The following MCC variants were observed in gnomAD, a reference collection of about 807,000 sequenced individuals.
MCC encodes MCC regulator of Wnt signaling pathway.
Under a neutral mutation model 116.2 loss-of-function variants are expected in MCC, and 90 were observed. The observed-to-expected ratio is 0.77, with a 90% confidence interval of 0.65 to 0.92. The LOEUF is 0.92. MCC is among the 40% of genes least tolerant of loss of function. MCC has a pLI of 0.00. For synonymous variants in MCC, 578 were observed against 510.5 expected (o/e 1.13, Z -1.78); for missense variants, 1,516 against 1,312.2 (o/e 1.16, Z -2.40).
chr5:113,190,914 C>T (rs147654183), intron 3 of MCC, among the ~76,000 whole-genome samples: 6 of 152,288 alleles, frequency 3.9e-5, no homozygotes, highest in African/African-American at 1.2e-4. Flanking sequence ...ATCTGCAGGA[C>T]CAAGGCAAGT....
intron 3 of MCC, among the ~76,000 whole-genome samples, chr5:113,155,815 G>A (rs942732540): frequency 1.3e-5 from 2 of 152,174 alleles, no homozygotes; most frequent in African/African-American, 4.8e-5. Context: ...TCATACTCAG[G>A]AGTCAGATGC....
At chr5:113,353,808 TG>T (rs1391432739) in intron 2 of MCC, among the ~76,000 whole-genome samples, 2 of 152,224 alleles carry the variant, frequency 1.3e-5, no homozygotes, top group African/African-American at 4.8e-5. Context: ...ACCTATCAAC[TG>T]ACATAGCCAC....
intron 3 of MCC, among the ~76,000 whole-genome samples, chr5:113,275,617 A>G (rs13159076): frequency 0.48 from 72,618 of 152,014 alleles, 22,142 homozygotes; most frequent in African/African-American, 0.87. Context: ...CTCCATTTCC[A>G]TGGATTCTAC....
intron 3 of MCC, among the ~76,000 whole-genome samples, chr5:113,233,645 C>A (rs543190794): frequency 5.3e-5 from 8 of 152,238 alleles, no homozygotes; most frequent in African/African-American, 1.9e-4. Flanking sequence ...TCTCACTGTC[C>A]CTTTGTCTCC....
intron 3 of MCC, among the ~76,000 whole-genome samples, chr5:113,330,217 A>G (rs1767666478): frequency 6.6e-6 from 1 of 152,224 alleles, no homozygotes; most frequent in African/African-American, 2.4e-5. Context: ...GCTGCCGCCC[A>G]TGTAATGGAG....
At chr5:113,414,227 AG>A (rs1176327174) in intron 1 of MCC, among the ~76,000 whole-genome samples, 2 of 152,188 alleles carry the variant, frequency 1.3e-5, no homozygotes, top group African/African-American at 4.8e-5. Context: ...TTTGGTGCTG[AG>A]AAGGATGTAT....
intron 1 of MCC, among the ~76,000 whole-genome samples, chr5:113,484,300 T>A (rs1772457030): frequency 6.6e-6 from 1 of 152,134 alleles, no homozygotes; most frequent in Non-Finnish European, 1.5e-5. Flanking sequence ...ATATACATAT[T>A]TAAAATATTA....
intron 1 of MCC, among the ~76,000 whole-genome samples, chr5:113,410,941 C>A (rs758304580): frequency 8.6e-4 from 131 of 152,224 alleles, no homozygotes; most frequent in Non-Finnish European, 1.7e-3. Flanking sequence ...TGAACTCATC[C>A]TTTTTTATGG....
rs1398754003 is a variant in MCC, at chr5:113,196,720, A to G, written c.628-45298T>C. 2.0e-5 allele frequency among the ~76,000 whole-genome samples: 3 copies of G among 152,116 alleles called. No homozygotes were observed. In the East Asian group the frequency reaches 5.8e-4, roughly 29 times the overall value. On this transcript the variant is annotated intron_variant, in intron 3 of 18. Coordinates refer to ENST00000408903, the MANE Select transcript of MCC (RefSeq NM_001085377.2). Reference sequence around the variant, plus strand: ...AAAAATTAGCCGAGCGTGGTGGCACATGCCTGTAATCCCAGCTACTCAGGA... The same window carrying G: ...AAAAATTAGCCGAGCGTGGTGGCACGTGCCTGTAATCCCAGCTACTCAGGA...
intron 3 of MCC, among the ~76,000 whole-genome samples, chr5:113,229,406 T>C (rs1206568317): frequency 6.6e-6 from 1 of 152,252 alleles, no homozygotes; most frequent in Non-Finnish European, 1.5e-5. Flanking sequence ...TCAGATGTTT[T>C]TCCAAACACC....
chr5:113,358,117 C>T (rs1207365007), intron 2 of MCC, among the ~76,000 whole-genome samples: 1 of 152,202 alleles, frequency 6.6e-6, no homozygotes, highest in Non-Finnish European at 1.5e-5. Flanking sequence ...TCACCCACTG[C>T]TAACAGTTTT....
chr5:113,178,294 T>C (rs888234593), intron 3 of MCC, among the ~76,000 whole-genome samples: 1 of 152,228 alleles, frequency 6.6e-6, no homozygotes, highest in Admixed American at 6.5e-5. Context: ...TCAGTAGCTC[T>C]GAGCATGCAG....
At chr5:113,300,276 G>A (rs1766830315) in intron 3 of MCC, among the ~76,000 whole-genome samples, 1 of 152,166 alleles carries the variant, frequency 6.6e-6, no homozygotes, top group Admixed American at 6.5e-5. Flanking sequence ...CCCCTGGGGT[G>A]CCCCAGCGAT....
chr5:113,343,721 T>C (rs952873942), intron 2 of MCC, among the ~76,000 whole-genome samples: 1 of 152,264 alleles, frequency 6.6e-6, no homozygotes, highest in Non-Finnish European at 1.5e-5. Context: ...GAATTATCCA[T>C]GGTTGTAGTA....
chr5:113,412,567 CTGTT>C (rs1206494671), intron 1 of MCC, among the ~76,000 whole-genome samples: 7 of 152,016 alleles, frequency 4.6e-5, no homozygotes, highest in East Asian at 1.9e-4. Context: ...ATTTGGCTCT[CTGTT>C]TGTCTGTTAT....
rs904706474 is a variant in MCC at position 113,073,840 on chromosome 5, C to T, written c.1785-2606G>A. ...ACAGCGAGGTTGGGGGACGGGCGTCCGCCACTGCTGAGGGTTGAGTAGGTA... is the reference window on the plus strand; with the variant it reads ...ACAGCGAGGTTGGGGGACGGGCGTCTGCCACTGCTGAGGGTTGAGTAGGTA... On this transcript the variant is annotated intron_variant, in intron 11 of 18. Coordinates refer to ENST00000408903, the MANE Select transcript of MCC (RefSeq NM_001085377.2). Among the ~76,000 whole-genome samples the T allele has an allele frequency of 3.9e-5, 6 of 152,154 alleles. 1 individual carries two copies. The highest frequency in any genetic ancestry group is 2.6e-4 in the Admixed American group (4 of 15,268).
chr5:113,132,447 C>CATAT (rs1201460802), intron 5 of MCC, among the ~76,000 whole-genome samples: 17 of 27,616 alleles, frequency 6.2e-4, no homozygotes, highest in South Asian at 2.2e-3. Flanking sequence ...TATATATACA[C>CATAT]ACACACACAC....
At chr5:113,170,621 G>T (rs556992972) in intron 3 of MCC, among the ~76,000 whole-genome samples, 1 of 152,130 alleles carries the variant, frequency 6.6e-6, no homozygotes, top group African/African-American at 2.4e-5. Context: ...CTACAAAAAT[G>T]TTACAGTTCA....
At chr5:113,058,821 C>A (rs1340189918) in intron 14 of MCC, among the ~76,000 whole-genome samples, 1 of 152,232 alleles carries the variant, frequency 6.6e-6, no homozygotes, top group Non-Finnish European at 1.5e-5. Flanking sequence ...TGCCACACAG[C>A]ACCTGTCCTG....
Sources: allele counts gnomAD v4.1 joint callset (sites outside exome capture counted in the v4.1 genomes callset), GRCh38; gene constraint gnomAD v4.1.1; transcripts MANE v1.5; gene names NCBI Gene and HGNC (gene_info 2026-07-23, HGNC 2026-07-21).